The following CTBP2 variants were observed in gnomAD, a reference collection of about 807,000 sequenced individuals.
CTBP2 encodes C-terminal-binding protein 2.
CTBP2 carries 30 observed loss-of-function variants against 80.3 expected under a neutral mutation model. The observed-to-expected ratio is 0.37, with a 90% CI of 0.28 to 0.51. The LOEUF is 0.51. Among genes scored for constraint, CTBP2 ranks in the 20% least tolerant of loss-of-function variants. The pLI is 0.93. For synonymous variants in CTBP2, 594 were observed against 587.4 expected, an observed-to-expected ratio of 1.01 and a Z score of -0.16; for missense variants, 1,212 against 1,375.3, an observed-to-expected ratio of 0.88 and a Z score of 1.88.
Position 125,034,744 on chromosome 10 carries a change from AG to A in CTBP2, c.58+4252del, listed in dbSNP as rs542543707. On this transcript the variant is annotated intron_variant, in intron 3 of 10. Transcript: ENST00000337195. ...TTTTATAATGCATCTGTACAAAGATAGGTGAAAAGAAAACAGCTACTCAGAA... is the reference window on the plus strand; with the variant it reads ...TTTTATAATGCATCTGTACAAAGATAGTGAAAAGAAAACAGCTACTCAGAA... Among the ~76,000 whole-genome samples, 550 of 152,366 alleles carry A rather than the reference AG, an allele frequency of 3.6e-3. 3 individuals carry two copies. The highest frequency in any genetic ancestry group is 6.8e-3 in the Middle Eastern group (2 of 294).
chr10:125,078,164 C>T (rs541359620), intron 2 of CTBP2, among the ~76,000 whole-genome samples: 1 of 151,806 alleles, frequency 6.6e-6, no homozygotes, highest in South Asian at 2.1e-4. Flanking sequence ...CCTGTAGTCC[C>T]AGTTACTCTG....
chr10:124,985,326 A>G lies in CTBP2; in HGVS notation c.*4192T>C, dbSNP rs1271473338. 1 of 190,950 alleles carries G rather than the reference A, an allele frequency of 5.2e-6. No individual in the cohort carries two copies. The highest frequency in any genetic ancestry group is 6.0e-5 in the Admixed American group (1 of 16,634). 11.8% of individuals were successfully genotyped at this position (190,950 alleles called of 1,614,324 possible). A position where few individuals can be genotyped will look rare whatever the true frequency, so the allele number is the denominator to read the frequency against. The stretch of plus-strand genomic sequence containing the variant: ...TAGGAAAAGTTGTACCAGCATCTTC[A>G]TATTATTGAGAAAATTTTTTCCAGC... On this transcript the variant is annotated 3_prime_UTR_variant, in exon 9 of 9. Transcript: ENST00000309035.
chr10:125,067,678 A>G (rs1432140063), intron 2 of CTBP2, among the ~76,000 whole-genome samples: 1 of 152,244 alleles, frequency 6.6e-6, no homozygotes, highest in Non-Finnish European at 1.5e-5. Flanking sequence ...TATTAATGGC[A>G]CGCATAACCC....
In CTBP2 at chr10:124,988,063, A is replaced by G. The variant is rs1952114630; in HGVS notation, c.*1455T>C. 6.8e-6 allele frequency: 1 copy of G among 147,062 alleles called. No individual in the cohort carries two copies. Among genetic ancestry groups the G allele is most frequent in the East Asian group, 2.0e-4 (1 of 4,928 alleles). 9.1% of individuals were successfully genotyped at this position (147,062 alleles called of 1,614,324 possible). On this transcript the variant is annotated 3_prime_UTR_variant, in exon 9 of 9. Transcript: ENST00000309035. Reference sequence around the variant, plus strand: ...AAGTCAGAACTCTAAAAGTTGAGCAACTTTGTTTTTTTTTGAATTGATTTA... The same window carrying G: ...AAGTCAGAACTCTAAAAGTTGAGCAGCTTTGTTTTTTTTTGAATTGATTTA...
In CTBP2 at chr10:124,998,059, C is replaced by T. The variant is rs758771048; in HGVS notation, c.2090G>A (p.Arg697Gln). Reference sequence around the variant, plus strand: ...CACGCTCTGAACCCGCGTGCCTTCCCGCAGTGCCTGGTACAGCCACGTGTT... The same window carrying T: ...CACGCTCTGAACCCGCGTGCCTTCCTGCAGTGCCTGGTACAGCCACGTGTT... Residue 697 changes from arginine to glutamine, a missense_variant, in exon 4 of 9, where the codon CGG becomes CAG. Arg to Gln is a conservative substitution (Grantham distance 43). This residue lies in a region of CTBP2 where 335 missense variants were observed against 504.7 expected (regional missense o/e 0.66). Coordinates refer to ENST00000309035, the MANE Select transcript of CTBP2 (RefSeq NM_022802.3). 3.7e-6 allele frequency: 6 copies of T among 1,613,052 alleles called. No homozygotes were observed. The highest frequency in any genetic ancestry group is 2.2e-5 in the South Asian group (2 of 91,016).
At chr10:125,017,017 G>A (rs926538113) in intron 1 of CTBP2, among the ~76,000 whole-genome samples, 14 of 152,196 alleles carry the variant, frequency 9.2e-5, no homozygotes, top group East Asian at 1.9e-4. Flanking sequence ...ATTCAGTTCC[G>A]CAGGCAGAGC....
chr10:125,096,482 T>C (rs945738619), intron 2 of CTBP2, among the ~76,000 whole-genome samples: 2 of 152,164 alleles, frequency 1.3e-5, no homozygotes, highest in African/African-American at 4.8e-5. Flanking sequence ...TGGGACAACA[T>C]CGCTACTCGA....
chr10:125,042,510 T>C (rs1208262292), intron 2 of CTBP2, among the ~76,000 whole-genome samples: 1 of 152,228 alleles, frequency 6.6e-6, no homozygotes, highest in South Asian at 2.1e-4. Flanking sequence ...ATTCCACTTC[T>C]GCTGAAATTG....
intron 1 of CTBP2, among the ~76,000 whole-genome samples, chr10:125,130,882 G>C (rs530073513): frequency 6.6e-6 from 1 of 152,294 alleles, no homozygotes; most frequent in East Asian, 1.9e-4. Flanking sequence ...CCCAGAGAGG[G>C]CAAAGGGCTC....
chr10:125,005,242 G>T lies in CTBP2; in HGVS notation c.1679-1750C>A, dbSNP rs1448971462. On this transcript the variant is annotated intron_variant, in intron 1 of 8. Transcript: ENST00000309035. ...AAAGGCTTTTGTCCCAGCCTCAGAA[G>T]AATGGGCTGGGGTAGCCAGGTCCAC... 2.0e-5 allele frequency among the ~76,000 whole-genome samples: 3 copies of T among 152,218 alleles called. No homozygotes were observed. The East Asian group carries it at 5.8e-4, about 29-fold the overall frequency.
At chr10:125,059,073 G>T (rs376676148) in intron 2 of CTBP2, among the ~76,000 whole-genome samples, 3 of 152,114 alleles carry the variant, frequency 2.0e-5, no homozygotes, top group Non-Finnish European at 4.4e-5. Flanking sequence ...GGCTCACTGC[G>T]TGAACCTTCT....
At chr10:125,061,167 A>G (rs577335291) in intron 2 of CTBP2, among the ~76,000 whole-genome samples, 4 of 152,338 alleles carry the variant, frequency 2.6e-5, no homozygotes, top group Non-Finnish European at 4.4e-5. Flanking sequence ...AGGCCCTGGC[A>G]TTGTCTAGGA....
chr10:125,087,626 C>T (rs1008771907), intron 2 of CTBP2, among the ~76,000 whole-genome samples: 1 of 152,208 alleles, frequency 6.6e-6, no homozygotes, highest in Non-Finnish European at 1.5e-5. Context: ...CTCATTTTCT[C>T]GAGTCCTTCA....
intron 1 of CTBP2, among the ~76,000 whole-genome samples, chr10:125,114,304 C>G (rs564883591): frequency 1.3e-5 from 2 of 152,302 alleles, no homozygotes; most frequent in Admixed American, 6.5e-5. Flanking sequence ...TACCATCAAC[C>G]TGCGTGAACT....
At position 124,996,040 on chromosome 10, in the gene CTBP2, A is replaced by ATT. The variant is rs1953464061; in HGVS notation, c.2186-1359_2186-1358dup. 2.8e-5 allele frequency: 3 copies of ATT among 105,412 alleles called. No individual in the cohort carries two copies. In the Admixed American group the frequency reaches 3.2e-4, roughly 11 times the overall value. The allele number at this position is 105,412 out of a possible 1,614,324, so 6.5% of individuals were successfully genotyped here. The stretch of plus-strand genomic sequence containing the variant: ...CCAGATTTGAACCGTGCCGACGGCT[A>ATT]TTTCTTTGTTTTTTTTTTTTTTTTT... On this transcript the variant is annotated intron_variant, in intron 4 of 8. Coordinates refer to ENST00000309035, the MANE Select transcript of CTBP2 (RefSeq NM_022802.3).
At position 124,985,730 on chromosome 10, in the gene CTBP2, G is replaced by C. The variant is rs953670231; in HGVS notation, c.*3788C>G. 1 of 152,386 alleles carries C rather than the reference G, an allele frequency of 6.6e-6. No homozygotes were observed. Among genetic ancestry groups the C allele is most frequent in the Non-Finnish European group, 1.5e-5 (1 of 68,026 alleles). The allele number at this position is 152,386 out of a possible 1,614,324, so 9.4% of individuals were successfully genotyped here. A position where few individuals can be genotyped will look rare whatever the true frequency, so the allele number is the denominator to read the frequency against. ...GTTGGGAAGAATACCTTAAAATGAGGGTTCTTATTCCAGATTCTGGGCAGT... is the reference window on the plus strand; with the variant it reads ...GTTGGGAAGAATACCTTAAAATGAGCGTTCTTATTCCAGATTCTGGGCAGT... On this transcript the variant is annotated 3_prime_UTR_variant, in exon 9 of 9. Coordinates refer to ENST00000309035, the MANE Select transcript of CTBP2 (RefSeq NM_022802.3).
At chr10:125,109,295 G>A (rs1335038042) in intron 2 of CTBP2, among the ~76,000 whole-genome samples, 4 of 152,204 alleles carry the variant, frequency 2.6e-5, no homozygotes, top group Admixed American at 6.5e-5. Flanking sequence ...GTGAAAGAGC[G>A]TGGATGTCCA....
At chr10:124,996,119 ATGACTTAATCCTGCTAC>A (rs1953513913) in intron 4 of CTBP2, 1 of 147,000 alleles carries the variant, frequency 6.8e-6, no homozygotes, top group Non-Finnish European at 1.5e-5. Context: ...TGATGACCCA[ATGACTTAATCCTGCTAC>A]TGACTTAATC....
At chr10:125,159,643 G>A (rs888055784) in intron 1 of CTBP2, among the ~76,000 whole-genome samples, 1 of 150,360 alleles carries the variant, frequency 6.7e-6, no homozygotes, top group Non-Finnish European at 1.5e-5. Context: ...CCGCCGGCAG[G>A]GGCAGCGCCC....
Sources: gnomAD v4.1 joint callset for allele counts (sites outside exome capture counted in the v4.1 genomes callset) on GRCh38, gnomAD v4.1.1 for gene constraint, gnomAD v4.1.1 regional missense constraint, MANE v1.5 for transcripts, NCBI Gene and HGNC (gene_info 2026-07-23, HGNC 2026-07-21) for gene names.